RAB27B: variants seen among roughly 807,000 people sequenced by gnomAD.
RAB27B encodes the protein RAB27B, member RAS oncogene family.
In RAB27B, 15 loss-of-function variants were observed where a neutral mutation model predicts 24.6. The observed-to-expected ratio is 0.61, with a 90% confidence interval of 0.41 to 0.94. The LOEUF (loss-of-function observed/expected upper bound fraction) is 0.94. RAB27B is among the 40% of genes least tolerant of loss of function. The pLI is 0.00. For missense variants in RAB27B, 261 were observed against 266.8 expected (o/e 0.98, Z 0.15); for synonymous variants, 105 against 92.5 (o/e 1.14, Z -0.78).
chr18:54,824,099 A>G (rs963730520), upstream of RAB27B, among the ~76,000 whole-genome samples: 3 of 152,218 alleles, frequency 2.0e-5, no homozygotes, highest in Non-Finnish European at 4.4e-5. Flanking sequence ...TTCTCTGCAC[A>G]TATACACAGA....
chr18:54,718,666 G>C (rs932626736), intron 2 of RAB27B, among the ~76,000 whole-genome samples: 1 of 152,108 alleles, frequency 6.6e-6, no homozygotes, highest in Non-Finnish European at 1.5e-5. Context: ...ACCACAGCTA[G>C]TAGATGGCAC....
intron 2 of RAB27B, among the ~76,000 whole-genome samples, chr18:54,803,789 T>C (rs1424951896): frequency 6.6e-6 from 1 of 152,168 alleles, no homozygotes; most frequent in Non-Finnish European, 1.5e-5. Flanking sequence ...GGGGGGATGA[T>C]GGAACCACTC....
rs963776035 is a variant in RAB27B at position 54,775,889 on chromosome 18, G to A, written c.-20+57748G>A. Among the ~76,000 whole-genome samples, 5 of 152,162 alleles carry A rather than the reference G, an allele frequency of 3.3e-5. No individual in the cohort carries two copies. In the South Asian group the frequency reaches 6.2e-4, roughly 19 times the overall value. ...ATTCAACATCATCCACCTACTGGGC[G>A]TCTAGGTGCCTTGCAGTGCACCAGG... On this transcript the variant is annotated intron_variant, in intron 2 of 4. Transcript: ENST00000586570.
chr18:54,731,628 G>A (rs927113689), intron 2 of RAB27B, among the ~76,000 whole-genome samples: 1 of 152,182 alleles, frequency 6.6e-6, no homozygotes, highest in Non-Finnish European at 1.5e-5. Context: ...GCTGAGGCAG[G>A]AGAATTGCTT....
rs1022191833 is a variant in RAB27B, at chr18:54,877,525, C to A, written c.-19-42C>A. ...ATTTTGATATAAAGCAAAGGAAAATCAACTTTAATCAAAACATACTTGTTT... is the reference window on the plus strand; with the variant it reads ...ATTTTGATATAAAGCAAAGGAAAATAAACTTTAATCAAAACATACTTGTTT... On this transcript the variant is annotated intron_variant, in intron 1 of 5. Coordinates refer to ENST00000262094, the MANE Select transcript of RAB27B (RefSeq NM_004163.4). 14 of 1,299,174 alleles carry A rather than the reference C, an allele frequency of 1.1e-5. No individual in the cohort carries two copies. The Admixed American group carries it at 3.3e-4, about 31-fold the overall frequency. 80.5% of individuals were successfully genotyped at this position (1,299,174 alleles called of 1,614,324 possible).
chr18:54,852,996 T>A (rs1355765387), intron 1 of RAB27B, among the ~76,000 whole-genome samples: 1 of 152,230 alleles, frequency 6.6e-6, no homozygotes, highest in Non-Finnish European at 1.5e-5. Context: ...TTCCTGATAA[T>A]ATTATCTTCC....
chr18:54,894,802 T>C lies in RAB27B; in HGVS notation c.*5389T>C, dbSNP rs767174350. On this transcript the variant is annotated 3_prime_UTR_variant, in exon 6 of 6. Coordinates refer to ENST00000262094, the MANE Select transcript of RAB27B (RefSeq NM_004163.4). The stretch of plus-strand genomic sequence containing the variant: ...ACTAAAATCTAATAAAAAACCACAG[T>C]TGTAATTTAAACTGCTTGATATAAA... 1 of 152,084 alleles carries C rather than the reference T, an allele frequency of 6.6e-6. No homozygotes were observed. The highest frequency in any genetic ancestry group is 1.9e-4 in the East Asian group (1 of 5,196). The allele number at this position is 152,084 out of a possible 1,614,324, so 9.4% of individuals were successfully genotyped here. A position where few individuals can be genotyped will look rare whatever the true frequency, so the allele number is the denominator to read the frequency against.
chr18:54,722,537 A>G (rs1301980791), intron 2 of RAB27B, among the ~76,000 whole-genome samples: 2 of 152,286 alleles, frequency 1.3e-5, no homozygotes, highest in South Asian at 2.1e-4. Flanking sequence ...TGCGATGCAC[A>G]TGGCATTTCA....
intron 2 of RAB27B, among the ~76,000 whole-genome samples, chr18:54,724,022 TTAGGGAA>T (rs1177740417): frequency 7.0e-6 from 1 of 143,880 alleles, no homozygotes; most frequent in Non-Finnish European, 1.6e-5. Flanking sequence ...TGTGTGCTCT[TTAGGGAA>T]CATACTTTTA....
chr18:54,766,187 T>C (rs764372457), intron 2 of RAB27B, among the ~76,000 whole-genome samples: 1 of 152,142 alleles, frequency 6.6e-6, no homozygotes, highest in Admixed American at 6.6e-5. Flanking sequence ...ATCATCTTCA[T>C]GGTAGACCCT....
intron 1 of RAB27B, among the ~76,000 whole-genome samples, chr18:54,862,904 AC>A (rs1912062887): frequency 6.6e-6 from 1 of 152,098 alleles, no homozygotes; most frequent in Non-Finnish European, 1.5e-5. Context: ...ATCATAAATT[AC>A]TTTATTTGTG....
intron 2 of RAB27B, among the ~76,000 whole-genome samples, chr18:54,804,469 C>T (rs1247717504): frequency 6.6e-6 from 1 of 152,182 alleles, no homozygotes; most frequent in Admixed American, 6.5e-5. Context: ...TTGCCTCCTG[C>T]CATGATTTGG....
intron 1 of RAB27B, among the ~76,000 whole-genome samples, chr18:54,872,522 G>A (rs1054163983): frequency 6.6e-6 from 1 of 151,028 alleles, no homozygotes; most frequent in Non-Finnish European, 1.5e-5. Context: ...CTACTCAGGA[G>A]GCTGAGACAG....
At chr18:54,784,143 A>C (rs1224932857) in intron 2 of RAB27B, among the ~76,000 whole-genome samples, 1 of 152,194 alleles carries the variant, frequency 6.6e-6, no homozygotes, top group Non-Finnish European at 1.5e-5. Flanking sequence ...TAATTAAAAC[A>C]ATCAAAGCAG....
At chr18:54,776,633 G>A (rs1467827237) in intron 2 of RAB27B, among the ~76,000 whole-genome samples, 2 of 152,140 alleles carry the variant, frequency 1.3e-5, no homozygotes, top group Non-Finnish European at 2.9e-5. Context: ...TGTCAACAAT[G>A]TTCTGCAGTT....
Position 54,889,630 on chromosome 18 carries a change from A to G in RAB27B, c.*217A>G, listed in dbSNP as rs1913287975. ...TTTCAAACATGATCAAAGATTTCCC[A>G]ATGTGATCTCATCATCATGGATACT... On this transcript the variant is annotated 3_prime_UTR_variant, in exon 6 of 6. Coordinates refer to ENST00000262094, the MANE Select transcript of RAB27B (RefSeq NM_004163.4). 1 of 452,684 alleles carries G rather than the reference A, an allele frequency of 2.2e-6. No individual in the cohort carries two copies. Among genetic ancestry groups the G allele is most frequent in the South Asian group, 4.4e-5 (1 of 22,654 alleles). 28.0% of individuals were successfully genotyped at this position (452,684 alleles called of 1,614,324 possible).
intron 2 of RAB27B, chr18:54,745,488 T>A (rs1172581320): frequency 6.5e-6 from 1 of 154,466 alleles, no homozygotes; most frequent in Non-Finnish European, 1.4e-5. Flanking sequence ...AGCAGTTCCC[T>A]ACTCAAGACT....
chr18:54,742,513 T>C (rs1218084066), intron 2 of RAB27B, among the ~76,000 whole-genome samples: 1 of 152,214 alleles, frequency 6.6e-6, no homozygotes, highest in African/African-American at 2.4e-5. Context: ...TTGTAATTTA[T>C]TTACTAAGAA....
chr18:54,740,209 T>C (rs1446951553), intron 2 of RAB27B, among the ~76,000 whole-genome samples: 1 of 152,176 alleles, frequency 6.6e-6, no homozygotes, highest in Non-Finnish European at 1.5e-5. Flanking sequence ...GGCAGTAATG[T>C]TAAGGATCTT....
Sources: allele counts gnomAD v4.1 joint callset (sites outside exome capture counted in the v4.1 genomes callset), GRCh38; gene constraint gnomAD v4.1.1; transcripts MANE v1.5; gene names NCBI Gene and HGNC (gene_info 2026-07-23, HGNC 2026-07-21).